RMDN1: variants seen among roughly 807,000 people sequenced by gnomAD.
RMDN1 encodes regulator of microtubule dynamics 1.
RMDN1 carries 48 observed loss-of-function variants against 48.9 expected under a neutral mutation model. The observed-to-expected ratio is 0.98, with a 90% CI of 0.78 to 1.25. The LOEUF (loss-of-function observed/expected upper bound fraction) is 1.25, where lower values mean the gene tolerates loss of function less well. Ranked by LOEUF, RMDN1 falls within the 50% of genes most tolerant of loss-of-function variation. The probability of loss-of-function intolerance (pLI) is 0.00; values close to 1 mark genes in which losing one functional copy is unlikely to be tolerated. For missense variants in RMDN1, 418 were observed against 373.4 expected, an observed-to-expected ratio of 1.12 and a Z score of -0.98; for synonymous variants, 148 against 132.6, an observed-to-expected ratio of 1.12 and a Z score of -0.80.
intron 2 of RMDN1, among the ~76,000 whole-genome samples, chr8:86,498,199 C>G (rs2131108217): frequency 6.6e-6 from 1 of 151,668 alleles, no homozygotes; most frequent in Non-Finnish European, 1.5e-5. Flanking sequence ...AAGATTGAAC[C>G]AGGAAGAAAT....
chr8:86,476,632 C>A (rs548807559), intron 8 of RMDN1, among the ~76,000 whole-genome samples: 3 of 152,328 alleles, frequency 2.0e-5, no homozygotes, highest in Admixed American at 6.5e-5. Context: ...TTCACAATAT[C>A]TGCAATAGAA....
chr8:86,494,546 ACT>A (rs1817010830), intron 2 of RMDN1, among the ~76,000 whole-genome samples: 1 of 152,130 alleles, frequency 6.6e-6, no homozygotes, highest in African/African-American at 2.4e-5. Context: ...ACAGAGCGAG[ACT>A]CTGTCTCAAA....
downstream of RMDN1, among the ~76,000 whole-genome samples, chr8:86,469,682 A>G (rs1002754826): frequency 1.2e-4 from 18 of 152,154 alleles, no homozygotes; most frequent in African/African-American, 4.1e-4. Context: ...AGAAGTAAAA[A>G]TCTTCCTCTG....
intron 5 of RMDN1, 69 bp from the exon 6 acceptor site, chr8:86,480,401 C>T (rs990663897): frequency 1.2e-6 from 1 of 811,014 alleles, no homozygotes; most frequent in Non-Finnish European, 1.9e-6. Flanking sequence ...ACTGTGTTTG[C>T]TGAAGAAGCC....
intron 2 of RMDN1, among the ~76,000 whole-genome samples, chr8:86,503,371 C>CAAAAAAAAAAAAAA (rs1182231210): frequency 8.8e-5 from 6 of 67,972 alleles, no homozygotes; most frequent in Admixed American, 1.5e-4. Flanking sequence ...CAAAACAAAA[C>CAAAAAAAAAAAAAA]AAAAAAAAAA....
Position 86,473,614 on chromosome 8 carries a change from A to AAGTT in RMDN1, c.*690_*693dup. On this transcript the variant is annotated 3_prime_UTR_variant, in exon 10 of 10. Transcript: ENST00000406452. ...AACCCCATCTCTACCAAAAATACAA[A>AAGTT]AGTTAGCCGAGTGTGGTGGTACAAC... 3 of 387,650 alleles carry AAGTT rather than the reference A, an allele frequency of 7.7e-6. No homozygotes were observed. The highest frequency in any genetic ancestry group is 1.1e-5 in the Non-Finnish European group (3 of 284,004). 24.0% of individuals were successfully genotyped at this position (387,650 alleles called of 1,614,324 possible). A position where few individuals can be genotyped will look rare whatever the true frequency, so the allele number is the denominator to read the frequency against.
intron 5 of RMDN1, among the ~76,000 whole-genome samples, chr8:86,481,091 G>A (rs576958256): frequency 6.6e-6 from 1 of 152,050 alleles, no homozygotes; most frequent in Non-Finnish European, 1.5e-5. Flanking sequence ...AAAAAATTAA[G>A]ATTTCCTAGT....
chr8:86,478,571 T>C (rs781276108), intron 7 of RMDN1, among the ~76,000 whole-genome samples: 2 of 152,248 alleles, frequency 1.3e-5, no homozygotes, highest in South Asian at 2.1e-4. Flanking sequence ...TTTTCTGTTA[T>C]TGTGTGTAAT....
At chr8:86,513,154 C>T (rs368930100), upstream of RMDN1, among the ~76,000 whole-genome samples, 54 of 151,994 alleles carry the variant, frequency 3.6e-4, no homozygotes, top group African/African-American at 1.3e-3. Context: ...GTGGGTGGAT[C>T]ATCTGAGGTC....
intron 2 of RMDN1, among the ~76,000 whole-genome samples, chr8:86,493,326 T>C (rs1816813965): frequency 1.3e-5 from 2 of 152,182 alleles, no homozygotes. Flanking sequence ...TTTGGATGTA[T>C]ATCCAAAGGA....
At chr8:86,488,106 G>T (rs1461788835) in intron 3 of RMDN1, among the ~76,000 whole-genome samples, 1 of 152,012 alleles carries the variant, frequency 6.6e-6, no homozygotes, top group Non-Finnish European at 1.5e-5. Context: ...GGGTATTTTT[G>T]GTTTCTCTGA....
chr8:86,508,763 C>T, upstream of RMDN1: 1 of 1,373,672 alleles, frequency 7.3e-7, no homozygotes, highest in South Asian at 1.7e-5. Context: ...CCCAGCACCT[C>T]TTCCGCCCCC....
At chr8:86,475,012 GGTTT>G (rs1423494075) in intron 8 of RMDN1, 59 bp from the exon 9 acceptor site, 9 of 1,459,330 alleles carry the variant, frequency 6.2e-6, no homozygotes, top group Middle Eastern at 2.5e-4. Flanking sequence ...TATTTTTAAA[GGTTT>G]GTTTCTGAGG....
At chr8:86,490,068 T>C (rs772151130) in intron 2 of RMDN1, among the ~76,000 whole-genome samples, 4 of 152,114 alleles carry the variant, frequency 2.6e-5, no homozygotes, top group South Asian at 2.1e-4. Flanking sequence ...ATAATATTCA[T>C]ATGGCTGGTT....
chr8:86,504,282 G>C, intron 2 of RMDN1: 4 of 1,574,340 alleles, frequency 2.5e-6, no homozygotes, highest in Non-Finnish European at 3.5e-6. Context: ...GGGGCACCCA[G>C]GATGTATCCC....
chr8:86,470,382 A>G (rs1238874589), downstream of RMDN1: 5 of 1,287,616 alleles, frequency 3.9e-6, no homozygotes, highest in South Asian at 2.5e-5. Context: ...AACGTCACGG[A>G]CCAATGTGAC....
intron 5 of RMDN1, chr8:86,482,404 CA>C: frequency 1.2e-4 from 48 of 411,088 alleles, no homozygotes; most frequent in Admixed American, 1.7e-4. Flanking sequence ...CTGTCTCAAA[CA>C]AAAAAAAGAA....
At chr8:86,504,377 G>A in intron 2 of RMDN1, 1 of 1,564,464 alleles carries the variant, frequency 6.4e-7, no homozygotes, top group Admixed American at 1.7e-5. Context: ...AGAGTATCCA[G>A]CTACCAACAG....
At chr8:86,492,190 G>A (rs186596577) in intron 2 of RMDN1, among the ~76,000 whole-genome samples, 309 of 152,032 alleles carry the variant, frequency 2.0e-3, no homozygotes, top group Non-Finnish European at 3.4e-3. Flanking sequence ...GACAAAAACA[G>A]AAAAGAAATT....
Sources: gnomAD v4.1 joint callset for allele counts (sites outside exome capture counted in the v4.1 genomes callset) on GRCh38, gnomAD v4.1.1 for gene constraint, MANE v1.5 for transcripts, NCBI Gene and HGNC (gene_info 2026-07-23, HGNC 2026-07-21) for gene names.